The following DNAH14 variants were observed in gnomAD, a reference collection of about 807,000 sequenced individuals.
DNAH14 encodes the protein dynein axonemal heavy chain 14, also known as axonemal beta dynein heavy chain 14.
A neutral mutation model predicts 520.9 loss-of-function variants in DNAH14; 478 were observed. That is an observed-to-expected ratio of 0.92 (90% CI 0.85 to 0.99). DNAH14 has a LOEUF of 0.99. DNAH14 is among the 50% of genes least tolerant of loss of function. The pLI, the probability that DNAH14 is intolerant of heterozygous loss-of-function variation, is 0.00. For missense variants in DNAH14, 4,831 were observed against 5,234.5 expected (o/e 0.92, Z 2.38); for synonymous variants, 1,581 against 1,757.2 (o/e 0.90, Z 2.51).
intron 38 of DNAH14, among the ~76,000 whole-genome samples, chr1:225,200,328 A>G (rs956047756): frequency 1.3e-5 from 2 of 152,094 alleles, no homozygotes; most frequent in Admixed American, 6.6e-5. Context: ...ATCTACATTC[A>G]ATGTTAGTAT....
At chr1:224,969,666 G>A (rs972630265) in intron 7 of DNAH14, 5 of 277,640 alleles carry the variant, frequency 1.8e-5, no homozygotes, top group African/African-American at 2.3e-5. Context: ...GGGACCGGCC[G>A]AAGCCATGGC....
At chr1:225,187,721 A>G (rs924851145) in intron 37 of DNAH14, among the ~76,000 whole-genome samples, 1 of 151,790 alleles carries the variant, frequency 6.6e-6, no homozygotes, top group African/African-American at 2.4e-5. Flanking sequence ...ACCTTTTCAT[A>G]TGCTTATTGG....
At chr1:225,256,634 T>C (rs1286464243) in intron 44 of DNAH14, among the ~76,000 whole-genome samples, 1 of 152,104 alleles carries the variant, frequency 6.6e-6, no homozygotes, top group Non-Finnish European at 1.5e-5. Context: ...CTTCCTAAAT[T>C]AATCCATGAA....
chr1:225,112,496 A>G (rs1347474145), intron 23 of DNAH14, among the ~76,000 whole-genome samples: 1 of 152,098 alleles, frequency 6.6e-6, no homozygotes, highest in Non-Finnish European at 1.5e-5. Context: ...TTGTACTTCA[A>G]TACTGATATC....
intron 52 of DNAH14, among the ~76,000 whole-genome samples, chr1:225,273,764 T>C (rs2093381152): frequency 1.3e-5 from 2 of 152,190 alleles, no homozygotes; most frequent in Admixed American, 1.3e-4. Context: ...CTGCCTGTCT[T>C]TTAATCTAGG....
chr1:225,057,854 C>T (rs528191306), intron 17 of DNAH14, among the ~76,000 whole-genome samples: 2 of 152,206 alleles, frequency 1.3e-5, no homozygotes, highest in Non-Finnish European at 2.9e-5. Context: ...TATGTTGAAA[C>T]AGCCTTGCAT....
intron 76 of DNAH14, among the ~76,000 whole-genome samples, chr1:225,365,870 C>T (rs901252707): frequency 1.3e-5 from 2 of 152,290 alleles, no homozygotes; most frequent in African/African-American, 2.4e-5. Flanking sequence ...TAGTCCATCG[C>T]TCCACCTCCA....
At chr1:225,040,649 A>G (rs1340290268) in intron 12 of DNAH14, among the ~76,000 whole-genome samples, 1 of 152,138 alleles carries the variant, frequency 6.6e-6, no homozygotes, top group Non-Finnish European at 1.5e-5. Context: ...TTTTGCTATT[A>G]CCTATAATTC....
At chr1:225,272,107 T>G (rs1468662461) in intron 51 of DNAH14, 34 bp downstream of exon 51, 1 of 1,523,272 alleles carries the variant, frequency 6.6e-7, no homozygotes, top group African/African-American at 1.4e-5. Flanking sequence ...AGTTTATTTT[T>G]TAAATATAAG....
intron 15 of DNAH14, among the ~76,000 whole-genome samples, chr1:225,048,660 C>T (rs2068188905): frequency 6.6e-6 from 1 of 152,144 alleles, no homozygotes; most frequent in African/African-American, 2.4e-5. Context: ...TATAAAATTG[C>T]TATACACATT....
In DNAH14 at chr1:225,360,688, C is replaced by A; in HGVS notation, c.11784C>A (p.Asp3928Glu). Reference protein sequence around the residue: ...PLILIQTHGIDLTNILLRFAQ... With the variant: ...PLILIQTHGIELTNILLRFAQ... ...CTCCACGTTGTTATACAGGGATCGACCTTACCAATATCCTCCTGAGATTTG... is the reference window on the plus strand; with the variant it reads ...CTCCACGTTGTTATACAGGGATCGAACTTACCAATATCCTCCTGAGATTTG... The change falls in exon 75 of 86, where the codon GAC becomes GAA. Residue 3928 changes from aspartate to glutamate, a missense_variant. Physicochemically the swap from Asp to Glu is conservative, Grantham distance 45 (BLOSUM62 2). Coordinates refer to ENST00000682510, the MANE Select transcript of DNAH14 (RefSeq NM_001367479.1). 6.4e-7 allele frequency: 1 copy of A among 1,551,640 alleles called. No individual in the cohort carries two copies. Among genetic ancestry groups the A allele is most frequent in the Non-Finnish European group, 8.7e-7 (1 of 1,146,930 alleles).
chr1:225,148,603 T>C (rs566376474), intron 31 of DNAH14, among the ~76,000 whole-genome samples: 29 of 152,116 alleles, frequency 1.9e-4, no homozygotes, highest in East Asian at 1.5e-3. Context: ...GGTTTCACCA[T>C]GTTGGTCAGG....
intron 61 of DNAH14, among the ~76,000 whole-genome samples, chr1:225,320,515 C>A (rs1367150373): frequency 1.3e-5 from 2 of 152,130 alleles, no homozygotes; most frequent in Admixed American, 1.3e-4. Flanking sequence ...TTACTTTGCT[C>A]ACTCCAAAAT....
intron 35 of DNAH14, among the ~76,000 whole-genome samples, chr1:225,165,570 T>TTTGTTTGGTTGG (rs1553489103): frequency 1.9e-4 from 28 of 150,392 alleles, no homozygotes; most frequent in African/African-American, 6.1e-4. Flanking sequence ...TACTTGTTTG[T>TTTGTTTGGTTGG]TTGGTTGGTT....
intron 44 of DNAH14, among the ~76,000 whole-genome samples, chr1:225,254,467 G>A (rs2092670207): frequency 6.6e-6 from 1 of 152,188 alleles, no homozygotes; most frequent in South Asian, 2.1e-4. Context: ...TGGCAACATT[G>A]TTAGCTGTGA....
At position 224,964,546 on chromosome 1, in the gene DNAH14, A is replaced by G. The variant is rs777308660; in HGVS notation, c.435A>G (p.Ile145Met). 5.0e-6 allele frequency: 8 copies of G among 1,610,616 alleles called. No individual in the cohort carries two copies. Among genetic ancestry groups the G allele is most frequent in the South Asian group, 1.1e-5 (1 of 90,462 alleles). The change falls in exon 5 of 86, where the codon ATA becomes ATG. Residue 145 changes from isoleucine to methionine, a missense_variant. Transcript: ENST00000682510. ...GAGAAAAGCTTGGTTGGCAAACTAT[A>G]TTACCGCAGCACAGTTTGAAATACG... is the stretch of plus-strand genomic sequence containing the variant. ...RLREKLGWQT[I>M]LPQHSLKYGS...
chr1:225,205,314 A>G (rs2087393359), intron 39 of DNAH14, among the ~76,000 whole-genome samples: 2 of 152,184 alleles, frequency 1.3e-5, no homozygotes, highest in South Asian at 4.1e-4. Context: ...GGAGCTCAAG[A>G]GAAATTCCTC....
chr1:225,201,873 C>CTTTTT lies in DNAH14; in HGVS notation c.5887-2295_5887-2291dup, dbSNP rs35342713. On this transcript the variant is annotated intron_variant, in intron 38 of 85. Coordinates refer to ENST00000682510, the MANE Select transcript of DNAH14 (RefSeq NM_001367479.1). Reference sequence around the variant, plus strand: ...CCAGGAGGTAGCACTTTCTTTCTTCCTTTTTTTTTTTTTTTTTTTGAGACG... The same window carrying CTTTTT: ...CCAGGAGGTAGCACTTTCTTTCTTCCTTTTTTTTTTTTTTTTTTTTTTTTGAGACG... Among the ~76,000 whole-genome samples the CTTTTT allele has an allele frequency of 1.2e-3, 147 of 122,490 alleles. 8 individuals carry two copies. The highest frequency in any genetic ancestry group is 4.5e-3 in the African/African-American group (133 of 29,830). 80.4% of individuals were successfully genotyped at this position (122,490 alleles called of 152,430 possible).
chr1:224,939,516 T>A (rs1312772508), intron 1 of DNAH14, among the ~76,000 whole-genome samples: 2 of 151,838 alleles, frequency 1.3e-5, no homozygotes, highest in African/African-American at 4.8e-5. Flanking sequence ...TAAAAATAAA[T>A]TTAAAAAAAC....
Sources: gnomAD v4.1 joint callset for allele counts (sites outside exome capture counted in the v4.1 genomes callset) on GRCh38, gnomAD v4.1.1 for gene constraint, MANE v1.5 for transcripts, NCBI Gene and HGNC (gene_info 2026-07-23, HGNC 2026-07-21) for gene names.